Variants in AK6 observed in about 807,000 individuals in gnomAD.
AK6 encodes adenylate kinase 6.
Under a neutral mutation model 23.7 loss-of-function variants are expected in AK6, and 24 were observed. The observed-to-expected ratio is 1.01, with a 90% CI of 0.73 to 1.43. The LOEUF (loss-of-function observed/expected upper bound fraction) is 1.43, where lower values mean the gene tolerates loss of function less well. AK6 is among the 40% of genes most tolerant of loss of function. The pLI is 0.00. For synonymous variants in AK6, 73 were observed against 69.8 expected, an observed-to-expected ratio of 1.05 and a Z score of -0.23; for missense variants, 191 against 199.1, an observed-to-expected ratio of 0.96 and a Z score of 0.24.
At position 69,362,879 on chromosome 5, in the gene AK6, G is replaced by A. The variant is rs114528709; in HGVS notation, c.121+3624C>T. 2.8e-3 allele frequency among the ~76,000 whole-genome samples: 426 copies of A among 152,278 alleles called. 1 individual carries two copies. Among genetic ancestry groups the A allele is most frequent in the African/African-American group, 9.9e-3 (410 of 41,562 alleles). Reference sequence around the variant, plus strand: ...CTTTAAGACTTAGATCCCATTTCATGAAATAATCTCACTAATAACAAAGAG... The same window carrying A: ...CTTTAAGACTTAGATCCCATTTCATAAAATAATCTCACTAATAACAAAGAG... On this transcript the variant is annotated intron_variant, in intron 2 of 4. Transcript: ENST00000380822.
intron 4 of AK6, 151 bp from the exon 5 acceptor site, chr5:69,352,404 A>C (rs1365991486): frequency 1.1e-5 from 6 of 557,956 alleles, no homozygotes; most frequent in Non-Finnish European, 1.9e-5. Context: ...GTACCTGTTT[A>C]TATGACACAG....
chr5:69,359,150 G>A (rs1299546140), intron 2 of AK6, among the ~76,000 whole-genome samples: 1 of 152,000 alleles, frequency 6.6e-6, no homozygotes, highest in Non-Finnish European at 1.5e-5. Flanking sequence ...GGAGGTTGAG[G>A]TGGGAGGACT....
intron 2 of AK6, among the ~76,000 whole-genome samples, chr5:69,359,903 A>C (rs570314945): frequency 6.6e-6 from 1 of 152,354 alleles, no homozygotes; most frequent in Non-Finnish European, 1.5e-5. Flanking sequence ...TTAATTCTGC[A>C]TAGTGAAGTT....
At chr5:69,356,098 A>G (rs1308035319) in intron 2 of AK6, 145 bp from the exon 3 acceptor site, 13 of 656,390 alleles carry the variant, frequency 2.0e-5, no homozygotes, top group Admixed American at 1.8e-4. Flanking sequence ...TAAATGTTAC[A>G]TAAACACCAA....
Position 69,365,871 on chromosome 5 carries a change from T to C in AK6, c.121+632A>G, listed in dbSNP as rs1249097490. 4 of 682,918 alleles carry C rather than the reference T, an allele frequency of 5.9e-6. No homozygotes were observed. In the Admixed American group the frequency reaches 1.5e-4, roughly 26 times the overall value. The allele number at this position is 682,918 out of a possible 1,614,324, so 42.3% of individuals were successfully genotyped here. ...CTATGTTAAACTGTAAAAAAATTTT[T>C]AAAATTTAAACCATATGTTTTCTTA... On this transcript the variant is annotated intron_variant, in intron 2 of 4. Transcript: ENST00000380822.
intron 2 of AK6, among the ~76,000 whole-genome samples, chr5:69,360,997 G>T (rs1360450944): frequency 6.6e-6 from 1 of 152,166 alleles, no homozygotes; most frequent in Non-Finnish European, 1.5e-5. Flanking sequence ...TCTGCAGTTA[G>T]GAACAGAGGC....
rs1483490494 is a variant in AK6 at position 69,363,746 on chromosome 5, T to C, written c.121+2757A>G. 4.7e-5 allele frequency among the ~76,000 whole-genome samples: 7 copies of C among 149,482 alleles called. No homozygotes were observed. In the South Asian group the frequency reaches 1.3e-3, roughly 27 times the overall value. Reference sequence around the variant, plus strand: ...TTGCAGTGAGCCGAGATTACACCACTGCACTCCAGTCTGGGCGACAGAGGG... The same window carrying C: ...TTGCAGTGAGCCGAGATTACACCACCGCACTCCAGTCTGGGCGACAGAGGG... On this transcript the variant is annotated intron_variant, in intron 2 of 4. Transcript: ENST00000380822.
intron 2 of AK6, chr5:69,365,745 G>A (rs1220356814): frequency 1.0e-5 from 16 of 1,525,080 alleles, no homozygotes; most frequent in East Asian, 2.3e-5. Context: ...CATGATATCC[G>A]ATGATCAGAC....
intron 2 of AK6, chr5:69,365,581 C>A: frequency 6.2e-7 from 1 of 1,614,008 alleles, no homozygotes; most frequent in Non-Finnish European, 8.5e-7. Flanking sequence ...ATTTTTGCAT[C>A]ATCTAGAATT....
chr5:69,369,180 T>G (rs1404341224), intron 1 of AK6: 11 of 501,492 alleles, frequency 2.2e-5, no homozygotes, highest in Non-Finnish European at 3.1e-5. Flanking sequence ...TCAGAAAGAC[T>G]AAGCAGGTTG....
intron 1 of AK6, 115 bp downstream of exon 1, chr5:69,369,348 C>A: frequency 8.3e-7 from 1 of 1,210,132 alleles, no homozygotes; most frequent in African/African-American, 1.6e-5. Context: ...CCTCGTGGCC[C>A]TCGGCCGGCC....
intron 2 of AK6, chr5:69,364,989 TCTTCAC>T: frequency 6.2e-7 from 1 of 1,613,828 alleles, no homozygotes; most frequent in South Asian, 1.1e-5. Flanking sequence ...ATCATCATCA[TCTTCAC>T]GTTTTCTTTT....
intron 2 of AK6, among the ~76,000 whole-genome samples, chr5:69,361,216 C>T (rs1353965838): frequency 6.6e-6 from 1 of 151,036 alleles, no homozygotes; most frequent in African/African-American, 2.4e-5. Context: ...TGCAGTGGCG[C>T]GATCTTGGCT....
At chr5:69,367,947 T>C (rs1027137905) in intron 1 of AK6, 1 of 152,180 alleles carries the variant, frequency 6.6e-6, no homozygotes, top group Non-Finnish European at 1.5e-5. Flanking sequence ...GGAGGATCGC[T>C]TAAGCGCAGG....
intron 1 of AK6, 42 bp downstream of exon 1, chr5:69,369,421 C>T: frequency 6.2e-7 from 1 of 1,602,376 alleles, no homozygotes; most frequent in Non-Finnish European, 8.5e-7. Flanking sequence ...TCTGCGCCCC[C>T]AGCCTGCCCC....
At position 69,366,492 on chromosome 5, in the gene AK6, G is replaced by A; in HGVS notation, c.121+11C>T. ...AAAACAAAACAAATCTAACACCAAA[G>A]TGTCCCTTACCTTCTCGAGCTAAAT... On this transcript the variant is annotated intron_variant, in intron 2 of 4. Transcript: ENST00000380822. 1 of 1,602,340 alleles carries A rather than the reference G, an allele frequency of 6.2e-7. No homozygotes were observed. The highest frequency in any genetic ancestry group is 8.5e-7 in the Non-Finnish European group (1 of 1,171,918).
intron 1 of AK6, among the ~76,000 whole-genome samples, chr5:69,368,473 C>T (rs1414889112): frequency 1.3e-5 from 2 of 152,184 alleles, no homozygotes; most frequent in African/African-American, 4.8e-5. Flanking sequence ...AAAGTTTTGA[C>T]AATGACTTAA....
rs1387693434 is a variant in AK6 at position 69,351,322 on chromosome 5, C to T, written c.*739G>A. The T allele has an allele frequency of 1.3e-5, 2 of 152,066 alleles. No individual in the cohort carries two copies. Among genetic ancestry groups the T allele is most frequent in the African/African-American group, 2.4e-5 (1 of 41,394 alleles). The allele number at this position is 152,066 out of a possible 1,614,324, so 9.4% of individuals were successfully genotyped here. ...GATTACAGGCATAAGCCACCATACC[C>T]GGTTCTGATTATACACTTCAAAATG... is the stretch of plus-strand genomic sequence containing the variant. On this transcript the variant is annotated 3_prime_UTR_variant, in exon 5 of 5. Coordinates refer to ENST00000380822, the MANE Select transcript of AK6 (RefSeq NM_016283.5).
chr5:69,358,966 C>G (rs1189948727), intron 2 of AK6, among the ~76,000 whole-genome samples: 2 of 151,662 alleles, frequency 1.3e-5, no homozygotes, highest in Non-Finnish European at 2.9e-5. Flanking sequence ...AAAGGGTGAG[C>G]ATGGTGGTTC....
Sources: gnomAD v4.1 joint callset for allele counts (sites outside exome capture counted in the v4.1 genomes callset) on GRCh38, gnomAD v4.1.1 for gene constraint, MANE v1.5 for transcripts, NCBI Gene and HGNC (gene_info 2026-07-23, HGNC 2026-07-21) for gene names.